Variants in PCDHGA1 observed in about 807,000 individuals in gnomAD.
PCDHGA1 encodes the protein protocadherin gamma-A1.
PCDHGA1 carries 32 observed loss-of-function variants against 58.0 expected under a neutral mutation model. The observed-to-expected ratio is 0.55, with a 90% CI of 0.42 to 0.74. The LOEUF (loss-of-function observed/expected upper bound fraction) is 0.74, where lower values mean the gene tolerates loss of function less well. Among genes scored for constraint, PCDHGA1 ranks in the 30% least tolerant of loss-of-function variants. The pLI is 0.00. For missense variants in PCDHGA1, 1,205 were observed against 1,182.3 expected (o/e 1.02, Z -0.28); for synonymous variants, 498 against 501.1 (o/e 0.99, Z 0.08).
At chr5:141,370,553 C>T in intron 1 of PCDHGA1, 1 of 1,613,810 alleles carries the variant, frequency 6.2e-7, no homozygotes, top group African/African-American at 1.3e-5. Flanking sequence ...TCGCCAAGGA[C>T]CTGGGGTTTG....
At chr5:141,404,384 G>C in intron 1 of PCDHGA1, 9 of 1,613,904 alleles carry the variant, frequency 5.6e-6, no homozygotes, top group African/African-American at 1.3e-5. Context: ...GATTGCCTAT[G>C]ACCCTGATAG....
intron 1 of PCDHGA1, chr5:141,441,550 G>C (rs2098254247): frequency 5.4e-6 from 1 of 184,034 alleles, no homozygotes; most frequent in Non-Finnish European, 1.1e-5. Context: ...AGCCTCCATA[G>C]TGTGCAAGTA....
Position 141,460,747 on chromosome 5 carries a change from G to A in PCDHGA1, c.2422-34060G>A, listed in dbSNP as rs148154304. On this transcript the variant is annotated intron_variant, in intron 1 of 3. Transcript: ENST00000517417. ...GCATATATACACATTGTATATATAT[G>A]TGTACATATACATATTGCATATGTA... Among the ~76,000 whole-genome samples, 351 of 151,000 alleles carry A rather than the reference G, an allele frequency of 2.3e-3. 2 individuals are homozygous for A. The highest frequency in any genetic ancestry group is 6.8e-3 in the Middle Eastern group (2 of 294).
chr5:141,409,328 T>A, intron 1 of PCDHGA1: 3 of 1,613,926 alleles, frequency 1.9e-6, no homozygotes, highest in Non-Finnish European at 2.5e-6. Context: ...GGATCTGGAT[T>A]TCGGAGGAAA....
intron 1 of PCDHGA1, chr5:141,339,285 AT>A (rs1217855050): frequency 8.1e-6 from 13 of 1,614,150 alleles, no homozygotes; most frequent in Non-Finnish European, 1.1e-5. Flanking sequence ...TGTCTGTTGA[AT>A]TTTAACATTC....
At position 141,376,090 on chromosome 5, in the gene PCDHGA1, C is replaced by G. The variant is rs372887480; in HGVS notation, c.2421+42985C>G. ...CCGTGGCCGTGGCCGACAGGATCCC[C>G]GACATCCTGGCCGACCTGGGCAGCC... On this transcript the variant is annotated intron_variant, in intron 1 of 3. Coordinates refer to ENST00000517417, the MANE Select transcript of PCDHGA1 (RefSeq NM_018912.3). 107 of 1,613,674 alleles carry G rather than the reference C, an allele frequency of 6.6e-5. No homozygotes were observed. In the African/African-American group the frequency reaches 1.2e-3, roughly 18 times the overall value.
intron 1 of PCDHGA1, chr5:141,360,559 AT>A: frequency 1.2e-6 from 2 of 1,614,032 alleles, no homozygotes; most frequent in Non-Finnish European, 8.5e-7. Flanking sequence ...TAATTTAAAA[AT>A]TGGCGAATCC....
chr5:141,356,200 C>A lies in PCDHGA1; in HGVS notation c.2421+23095C>A, dbSNP rs770189453. On this transcript the variant is annotated intron_variant, in intron 1 of 3. Transcript: ENST00000517417. ...TGGTCTCCGAGCTAGAAGCAAGGTA[C>A]TGGTGACAGTTCTGGATGAAAATGA... 3.1e-6 allele frequency: 5 copies of A among 1,608,320 alleles called. No homozygotes were observed. The Admixed American group carries it at 8.5e-5, about 27-fold the overall frequency.
chr5:141,350,539 C>T, intron 1 of PCDHGA1: 2 of 1,613,968 alleles, frequency 1.2e-6, no homozygotes, highest in Non-Finnish European at 1.7e-6. Flanking sequence ...AGAAGATTTG[C>T]GGAAGGAAAC....
chr5:141,339,512 G>T (rs202048719), intron 1 of PCDHGA1: 4 of 1,614,156 alleles, frequency 2.5e-6, no homozygotes, highest in East Asian at 4.5e-5. Flanking sequence ...CTTCTCCCTG[G>T]ACGTGCGAAG....
chr5:141,361,727 C>A, intron 1 of PCDHGA1: 1 of 1,613,274 alleles, frequency 6.2e-7, no homozygotes, highest in Non-Finnish European at 8.5e-7. Flanking sequence ...TTCGAGCTCA[C>A]ACTGCAGGCC....
At chr5:141,338,459 G>A (rs887405459) in intron 1 of PCDHGA1, among the ~76,000 whole-genome samples, 3 of 152,210 alleles carry the variant, frequency 2.0e-5, no homozygotes, top group African/African-American at 7.2e-5. Flanking sequence ...GAAGATGTTT[G>A]GAGCAAGGGC....
At chr5:141,356,600 G>A in intron 1 of PCDHGA1, 2 of 1,614,098 alleles carry the variant, frequency 1.2e-6, no homozygotes, top group Non-Finnish European at 8.5e-7. Flanking sequence ...AACAACCCCA[G>A]AGGAGCCTCC....
At chr5:141,484,750 GTA>G (rs545232987) in intron 1 of PCDHGA1, among the ~76,000 whole-genome samples, 18 of 149,824 alleles carry the variant, frequency 1.2e-4, no homozygotes, top group Admixed American at 4.7e-4. Flanking sequence ...GAAAAAAAAT[GTA>G]TATATATATA....
At chr5:141,510,589 A>G (rs1043188276) in intron 3 of PCDHGA1, among the ~76,000 whole-genome samples, 2 of 152,194 alleles carry the variant, frequency 1.3e-5, no homozygotes, top group African/African-American at 2.4e-5. Context: ...CGTACCTGAC[A>G]TACATTTTCT....
At chr5:141,389,062 T>G (rs991150761) in intron 1 of PCDHGA1, 1 of 1,613,856 alleles carries the variant, frequency 6.2e-7, no homozygotes, top group African/African-American at 1.3e-5. Context: ...TTTAAAATAT[T>G]AACTTCTTCA....
At chr5:141,365,693 G>T in intron 1 of PCDHGA1, 1 of 1,613,362 alleles carries the variant, frequency 6.2e-7, no homozygotes, top group Non-Finnish European at 8.5e-7. Flanking sequence ...TTTCCCTCAA[G>T]CCTCCTACTC....
At chr5:141,399,979 C>A (rs1402446986) in intron 1 of PCDHGA1, 5 of 1,612,154 alleles carry the variant, frequency 3.1e-6, no homozygotes, top group Non-Finnish European at 4.2e-6. Context: ...CCTGGGGCTG[C>A]GCACAGGAGA....
chr5:141,480,457 G>GT (rs1309116577), intron 1 of PCDHGA1, among the ~76,000 whole-genome samples: 4 of 152,060 alleles, frequency 2.6e-5, no homozygotes, highest in Non-Finnish European at 5.9e-5. Flanking sequence ...ATTTTTATTA[G>GT]TTCCTCACTC....
Sources: gnomAD v4.1 joint callset for allele counts (sites outside exome capture counted in the v4.1 genomes callset) on GRCh38, gnomAD v4.1.1 for gene constraint, MANE v1.5 for transcripts, NCBI Gene and HGNC (gene_info 2026-07-23, HGNC 2026-07-21) for gene names.